MRPL39: variants seen among roughly 807,000 people sequenced by gnomAD.
The protein encoded by MRPL39 is mitochondrial ribosomal protein L39.
Under a neutral mutation model 44.5 loss-of-function variants are expected in MRPL39, and 35 were observed. That is an observed-to-expected ratio of 0.79 (90% CI 0.60 to 1.04). The LOEUF (loss-of-function observed/expected upper bound fraction) is 1.04. Ranked by LOEUF, MRPL39 falls within the 50% of genes least tolerant of loss-of-function variation. The pLI is 0.00. For synonymous variants in MRPL39, 139 were observed against 136.1 expected (o/e 1.02, Z -0.15); for missense variants, 433 against 413.5 (o/e 1.05, Z -0.41).
At chr21:25,597,565 G>C (rs545828364) in intron 5 of MRPL39, 151 bp from the exon 6 acceptor site, 2 of 501,174 alleles carry the variant, frequency 4.0e-6, no homozygotes, top group Non-Finnish European at 3.5e-6. Context: ...TTACTAATTT[G>C]CAACAACTGA....
chr21:25,589,252 C>T (rs2123224846), intron 8 of MRPL39, among the ~76,000 whole-genome samples: 1 of 152,196 alleles, frequency 6.6e-6, no homozygotes, highest in South Asian at 2.1e-4. Context: ...TGGTTCAATC[C>T]TTAAACAGCC....
At chr21:25,604,804 T>C (rs2031616516) in intron 2 of MRPL39, among the ~76,000 whole-genome samples, 1 of 152,152 alleles carries the variant, frequency 6.6e-6, no homozygotes, top group Admixed American at 6.6e-5. Flanking sequence ...CATCAGTATA[T>C]CCAGAGTCTA....
intron 4 of MRPL39, 141 bp downstream of exon 4, chr21:25,601,227 A>G (rs1404524541): frequency 1.7e-5 from 7 of 409,994 alleles, no homozygotes; most frequent in Non-Finnish European, 3.1e-5. Context: ...ATGTTTCATC[A>G]TAGTAAGAAA....
At chr21:25,587,690 T>C in intron 9 of MRPL39, 2 of 1,571,356 alleles carry the variant, frequency 1.3e-6, no homozygotes, top group Non-Finnish European at 1.8e-6. Context: ...TAATTATTTG[T>C]TAGAGATTAC....
rs2031039266 is a variant in MRPL39 at position 25,587,627 on chromosome 21, AC to A, written c.969+1207del. 3 of 1,177,478 alleles carry A rather than the reference AC, an allele frequency of 2.5e-6. No homozygotes were observed. The South Asian group carries it at 4.0e-5, about 16-fold the overall frequency. The allele number at this position is 1,177,478 out of a possible 1,614,324, so 72.9% of individuals were successfully genotyped here. ...GAAAATAAATGTACTGGCAAAGAAAACAATCAAAAAATAGTATGTGGACATA... is the reference window on the plus strand; with the variant it reads ...GAAAATAAATGTACTGGCAAAGAAAAAATCAAAAAATAGTATGTGGACATA... On this transcript the variant is annotated intron_variant, in intron 9 of 9. Coordinates refer to ENST00000352957, the MANE Select transcript of MRPL39 (RefSeq NM_017446.4).
At chr21:25,597,744 G>A (rs1279732257) in intron 5 of MRPL39, among the ~76,000 whole-genome samples, 1 of 152,024 alleles carries the variant, frequency 6.6e-6, no homozygotes, top group Non-Finnish European at 1.5e-5. Flanking sequence ...GATGCAGCAA[G>A]TAAAAATGCC....
intron 4 of MRPL39, among the ~76,000 whole-genome samples, 180 bp from the exon 5 acceptor site, chr21:25,600,046 C>T (rs908494760): frequency 1.3e-5 from 2 of 152,180 alleles, no homozygotes; most frequent in African/African-American, 4.8e-5. Flanking sequence ...TTTCCCTTAG[C>T]CAAAAGATTG....
Position 25,597,325 on chromosome 21 carries a change from T to C in MRPL39, c.678A>G (p.Ala226=), listed in dbSNP as rs769455444. 1.2e-5 allele frequency: 19 copies of C among 1,596,246 alleles called. No homozygotes were observed. Among genetic ancestry groups the C allele is most frequent in the East Asian group, 4.5e-5 (2 of 44,706 alleles). ...ACTTGCTGTGTTGAAATATTTCCAA[T>C]GCCACTTTTGCTTCAACTTCCAGAG... is the stretch of plus-strand genomic sequence containing the variant. ...FETLEVEAKV[A]LEIFQHSKYK... Residue 226 remains alanine, a synonymous_variant, in exon 6 of 10, where the codon GCA becomes GCG. Coordinates refer to ENST00000352957, the MANE Select transcript of MRPL39 (RefSeq NM_017446.4).
chr21:25,590,302 G>C (rs2031132514), intron 8 of MRPL39, among the ~76,000 whole-genome samples: 1 of 151,850 alleles, frequency 6.6e-6, no homozygotes, highest in South Asian at 2.1e-4. Flanking sequence ...CCAATCTTTT[G>C]GCTTCCCTGG....
chr21:25,585,851 C>T lies in MRPL39; in HGVS notation c.970-97G>A, dbSNP rs577971565. On this transcript the variant is annotated intron_variant, in intron 9 of 9. Coordinates refer to ENST00000352957, the MANE Select transcript of MRPL39 (RefSeq NM_017446.4). ...TCATTCCACAGCCCTCTTATAATGACCCTTTATCTTTCCCCTTAAATAGTA... is the reference window on the plus strand; with the variant it reads ...TCATTCCACAGCCCTCTTATAATGATCCTTTATCTTTCCCCTTAAATAGTA... 6.3e-6 allele frequency: 5 copies of T among 799,690 alleles called. No homozygotes were observed. In the Admixed American group the frequency reaches 9.7e-5, roughly 16 times the overall value. The allele number at this position is 799,690 out of a possible 1,614,324, so 49.5% of individuals were successfully genotyped here. A position where few individuals can be genotyped will look rare whatever the true frequency, so the allele number is the denominator to read the frequency against.
At chr21:25,587,802 A>T (rs1418531131) in intron 9 of MRPL39, 2 of 1,585,122 alleles carry the variant, frequency 1.3e-6, no homozygotes, top group African/African-American at 2.7e-5. Context: ...AGAAAGAAAA[A>T]CTATCATGAA....
At chr21:25,586,449 A>C (rs546902383) in intron 9 of MRPL39, among the ~76,000 whole-genome samples, 62 of 152,182 alleles carry the variant, frequency 4.1e-4, no homozygotes, top group Non-Finnish European at 7.6e-4. Context: ...GGCTTAAGTC[A>C]CAGCTATATC....
intron 9 of MRPL39, 80 bp downstream of exon 9, chr21:25,588,755 T>C: frequency 2.3e-6 from 3 of 1,284,532 alleles, no homozygotes; most frequent in Non-Finnish European, 3.3e-6. Context: ...TCTTTCATTT[T>C]TCCCCCCTTT....
intron 4 of MRPL39, 119 bp from the exon 5 acceptor site, chr21:25,599,985 AATT>A: frequency 1.4e-6 from 1 of 709,550 alleles, no homozygotes; most frequent in Non-Finnish European, 2.4e-6. Context: ...CAACTCTACA[AATT>A]ATAAAATGGT....
At chr21:25,603,343 A>C (rs2123255245) in intron 3 of MRPL39, among the ~76,000 whole-genome samples, 1 of 152,304 alleles carries the variant, frequency 6.6e-6, no homozygotes, top group East Asian at 1.9e-4. Context: ...CTTTAGGTTT[A>C]AGTGACATGA....
intron 1 of MRPL39, among the ~76,000 whole-genome samples, 162 bp downstream of exon 1, chr21:25,607,241 T>G (rs534970766): frequency 1.6e-4 from 25 of 152,170 alleles, no homozygotes; most frequent in Middle Eastern, 3.4e-3. Context: ...TTCCCATAAA[T>G]TAGTCCTCCC....
At chr21:25,588,986 G>T in intron 8 of MRPL39, 104 bp from the exon 9 acceptor site, 1 of 1,001,094 alleles carries the variant, frequency 1.0e-6, no homozygotes, top group Non-Finnish European at 1.5e-6. Context: ...TAAAAAGCTA[G>T]GCAGTACTAA....
At chr21:25,589,712 T>C (rs1161169484) in intron 8 of MRPL39, among the ~76,000 whole-genome samples, 1 of 152,206 alleles carries the variant, frequency 6.6e-6, no homozygotes, top group African/African-American at 2.4e-5. Context: ...CAGTGACTAC[T>C]CCACACTGAA....
At chr21:25,596,237 T>A (rs2031354773) in intron 6 of MRPL39, among the ~76,000 whole-genome samples, 1 of 152,174 alleles carries the variant, frequency 6.6e-6, no homozygotes, top group Admixed American at 6.5e-5. Context: ...TAGCTGGGAC[T>A]ACAGGCGCCC....
Sources: allele counts gnomAD v4.1 joint callset (sites outside exome capture counted in the v4.1 genomes callset), GRCh38; gene constraint gnomAD v4.1.1; transcripts MANE v1.5; gene names NCBI Gene and HGNC (gene_info 2026-07-23, HGNC 2026-07-21).